BRDT: variants seen among roughly 807,000 people sequenced by gnomAD.
BRDT encodes the protein bromodomain testis-specific protein.
In BRDT, 77 loss-of-function variants were observed where a neutral mutation model predicts 113.9. The observed-to-expected ratio is 0.68, with a 90% CI of 0.56 to 0.82. The LOEUF (loss-of-function observed/expected upper bound fraction) is 0.82. BRDT is among the 40% of genes least tolerant of loss of function. BRDT has a pLI of 0.00. For missense variants in BRDT, 1,027 were observed against 1,105.4 expected (o/e 0.93, Z 1.01); for synonymous variants, 358 against 366.5 (o/e 0.98, Z 0.26).
chr1:91,966,185 T>C (rs571198171), intron 3 of BRDT, among the ~76,000 whole-genome samples: 1 of 152,298 alleles, frequency 6.6e-6, no homozygotes, highest in South Asian at 2.1e-4. Context: ...TCCCATTTCC[T>C]ACAGTACTGT....
intron 1 of BRDT, among the ~76,000 whole-genome samples, chr1:91,956,725 G>A (rs1163010319): frequency 1.3e-5 from 2 of 152,064 alleles, no homozygotes; most frequent in Admixed American, 6.6e-5. Flanking sequence ...ATGACTTGAA[G>A]CCAGGAATTT....
chr1:92,002,023 A>G (rs777707028), intron 15 of BRDT, 26 bp from the exon 16 acceptor site: 31 of 1,487,126 alleles, frequency 2.1e-5, no homozygotes, highest in Non-Finnish European at 2.8e-5. Context: ...TTTTAATTAT[A>G]CTATTCTAAA....
At position 91,991,245 on chromosome 1, in the gene BRDT, G is replaced by T. The variant is rs537357081; in HGVS notation, c.2064G>T (p.Lys688Asn). 8.6e-6 allele frequency: 13 copies of T among 1,514,312 alleles called. No individual in the cohort carries two copies. Among genetic ancestry groups the T allele is most frequent in the African/African-American group, 1.4e-5 (1 of 72,226 alleles). The allele number at this position is 1,514,312 out of a possible 1,614,324, so 93.8% of individuals were successfully genotyped here. A position where few individuals can be genotyped will look rare whatever the true frequency, so the allele number is the denominator to read the frequency against. ...PNDSPSKENVKKMKNECIPPE... is the reference protein window; with the variant it reads ...PNDSPSKENVNKMKNECIPPE... ...ATTCTCCTTCTAAAGAGAATGTAAA[G>T]GTAAGTGAATTCTTTATTTGTATCT... The change falls in exon 13 of 19, where the codon AAG (lysine) becomes AAT (asparagine). Residue 688 changes from lysine (K) to asparagine (N), a missense_variant and splice_region_variant. Coordinates refer to ENST00000399546, the MANE Select transcript of BRDT (RefSeq NM_207189.4).
intron 12 of BRDT, among the ~76,000 whole-genome samples, chr1:91,988,006 C>T (rs1292886932): frequency 1.3e-5 from 2 of 152,062 alleles, no homozygotes; most frequent in African/African-American, 4.8e-5. Flanking sequence ...CCTGCCACCA[C>T]GCCCGGCTAA....
At chr1:91,994,395 TA>T in intron 15 of BRDT, 141 bp downstream of exon 15, 2 of 713,542 alleles carry the variant, frequency 2.8e-6, no homozygotes, top group African/African-American at 1.8e-5. Context: ...AGGTTACAAA[TA>T]ATCACTGAAG....
intron 4 of BRDT, among the ~76,000 whole-genome samples, chr1:91,975,641 A>G (rs1684063867): frequency 6.6e-6 from 1 of 152,202 alleles, no homozygotes; most frequent in African/African-American, 2.4e-5. Context: ...GGAGTCAAAG[A>G]TGACTTCAAG....
At chr1:91,995,036 T>C (rs1463557150) in intron 15 of BRDT, among the ~76,000 whole-genome samples, 1 of 152,156 alleles carries the variant, frequency 6.6e-6, no homozygotes, top group Non-Finnish European at 1.5e-5. Flanking sequence ...TAAATTTTTA[T>C]ATTTTTAGAT....
At chr1:91,966,763 G>A (rs1683104885) in intron 3 of BRDT, among the ~76,000 whole-genome samples, 2 of 152,260 alleles carry the variant, frequency 1.3e-5, no homozygotes, top group Admixed American at 1.3e-4. Context: ...TAAGCGAATA[G>A]TTAAGATTGA....
chr1:91,977,769 T>C (rs7518447), intron 6 of BRDT, among the ~76,000 whole-genome samples: 1,667 of 151,558 alleles, frequency 0.011, 38 homozygotes, highest in African/African-American at 0.038. Flanking sequence ...CTCCAGAGGC[T>C]GAGTCACGAG....
At chr1:91,952,338 A>G (rs1681187095) in intron 1 of BRDT, 1 of 148,940 alleles carries the variant, frequency 6.7e-6, no homozygotes, top group East Asian at 1.9e-4. Context: ...CTGTAAAGAC[A>G]GTGGGTGGAG....
At chr1:91,958,784 C>T (rs940218906) in intron 1 of BRDT, among the ~76,000 whole-genome samples, 5 of 151,892 alleles carry the variant, frequency 3.3e-5, no homozygotes, top group Admixed American at 6.6e-5. Flanking sequence ...GGCGGGGAAC[C>T]GTGGGCTTAC....
In BRDT at chr1:91,978,038, T is replaced by C. The variant is rs981278619; in HGVS notation, c.970-130T>C. 3 of 913,768 alleles carry C rather than the reference T, an allele frequency of 3.3e-6. No homozygotes were observed. The African/African-American group carries it at 5.1e-5, about 15-fold the overall frequency. The allele number at this position is 913,768 out of a possible 1,614,324, so 56.6% of individuals were successfully genotyped here. A position where few individuals can be genotyped will look rare whatever the true frequency, so the allele number is the denominator to read the frequency against. On this transcript the variant is annotated intron_variant, in intron 6 of 18. Transcript: ENST00000399546. Reference sequence around the variant, plus strand: ...AAATGTAGCAAAATTTTAACATTTGTCAAATCTGGATGGTGGACAACTGTT... The same window carrying C: ...AAATGTAGCAAAATTTTAACATTTGCCAAATCTGGATGGTGGACAACTGTT...
chr1:91,987,389 A>G (rs1685347208), intron 12 of BRDT, among the ~76,000 whole-genome samples: 1 of 152,060 alleles, frequency 6.6e-6, no homozygotes, highest in African/African-American at 2.4e-5. Context: ...GCTGGAGTGC[A>G]GTGGTGCGAT....
At chr1:91,955,826 G>A (rs1305195017) in intron 1 of BRDT, among the ~76,000 whole-genome samples, 2 of 152,168 alleles carry the variant, frequency 1.3e-5, no homozygotes, top group East Asian at 3.8e-4. Context: ...AAGATAATCA[G>A]ATTATCAAAT....
chr1:92,010,515 G>A (rs991098823), intron 18 of BRDT, among the ~76,000 whole-genome samples: 2 of 151,900 alleles, frequency 1.3e-5, no homozygotes, highest in Admixed American at 1.3e-4. Flanking sequence ...TCAAACTCCT[G>A]TCCTTAAGGG....
intron 3 of BRDT, among the ~76,000 whole-genome samples, chr1:91,966,499 T>G (rs1683074415): frequency 6.6e-6 from 1 of 152,190 alleles, no homozygotes; most frequent in South Asian, 2.1e-4. Flanking sequence ...CCTAAGTAGC[T>G]GGGATTATAG....
At chr1:92,002,466 C>T (rs545984824) in intron 16 of BRDT, among the ~76,000 whole-genome samples, 2 of 152,160 alleles carry the variant, frequency 1.3e-5, no homozygotes, top group South Asian at 2.1e-4. Flanking sequence ...CAGATTCAAG[C>T]GATTCTCATG....
intron 12 of BRDT, among the ~76,000 whole-genome samples, chr1:91,988,587 C>CG: frequency 6.6e-6 from 1 of 151,662 alleles, no homozygotes; most frequent in East Asian, 2.0e-4. Flanking sequence ...TTTTGGTAGG[C>CG]GGGGGGTTTC....
chr1:91,957,180 T>C (rs1681865162), intron 1 of BRDT, among the ~76,000 whole-genome samples: 2 of 152,054 alleles, frequency 1.3e-5, no homozygotes, highest in African/African-American at 4.8e-5. Context: ...ATGGAGAGGA[T>C]TTGTATGTGT....
Sources: gnomAD v4.1 joint callset for allele counts (sites outside exome capture counted in the v4.1 genomes callset) on GRCh38, gnomAD v4.1.1 for gene constraint, MANE v1.5 for transcripts, NCBI Gene and HGNC (gene_info 2026-07-23, HGNC 2026-07-21) for gene names.